PLXNB2: variants seen among roughly 807,000 people sequenced by gnomAD.
The protein encoded by PLXNB2 is plexin-B2.
A neutral mutation model predicts 202.6 loss-of-function variants in PLXNB2; 85 were observed. The ratio of observed to expected loss-of-function variants is 0.42; its 90% CI spans 0.35 to 0.50. PLXNB2 has a LOEUF of 0.50. PLXNB2 is among the 20% of genes least tolerant of loss of function. The probability of loss-of-function intolerance (pLI) is 0.02; values close to 1 mark genes in which losing one functional copy is unlikely to be tolerated. For synonymous variants in PLXNB2, 1,239 were observed against 1,137.6 expected, an observed-to-expected ratio of 1.09 and a Z score of -1.79; for missense variants, 2,063 against 2,586.2, an observed-to-expected ratio of 0.80 and a Z score of 4.39.
chr22:50,279,982 A>G, intron 26 of PLXNB2, 23 bp downstream of exon 26: 2 of 1,582,374 alleles, frequency 1.3e-6, no homozygotes, highest in African/African-American at 2.7e-5. Flanking sequence ...CTCAAGCCCC[A>G]GCCAGGCTGG....
In PLXNB2 at chr22:50,280,953, C is replaced by T; in HGVS notation, c.3784G>A (p.Asp1262Asn). Reference protein sequence around the residue: ...EFTDLMIEMEDQTNDVHEAGI... With the variant: ...EFTDLMIEMENQTNDVHEAGI... ...GCCTCGTGCACGTCGTTGGTCTGGT[C>T]CTCCATCTCGATCATCAGGTCTGGG... The change falls in exon 24 of 37, where the codon GAC becomes AAC. Residue 1262 changes from aspartate (D) to asparagine (N), a missense_variant. Asp to Asn is a conservative substitution (Grantham distance 23). Coordinates refer to ENST00000359337, the MANE Select transcript of PLXNB2 (RefSeq NM_012401.4). 1 of 1,613,304 alleles carries T rather than the reference C, an allele frequency of 6.2e-7. No homozygotes were observed. Among genetic ancestry groups the T allele is most frequent in the Non-Finnish European group, 8.5e-7 (1 of 1,179,924 alleles).
intron 2 of PLXNB2, among the ~76,000 whole-genome samples, chr22:50,293,506 C>G (rs960973725): frequency 6.6e-6 from 1 of 152,220 alleles, no homozygotes; most frequent in African/African-American, 2.4e-5. Flanking sequence ...CCCTCCCAGC[C>G]CCGCTCACCC....
Position 50,278,174 on chromosome 22 carries a change from C to G in PLXNB2, c.4830G>C (p.Glu1610Asp). Residue 1610 changes from glutamate to aspartate, a missense_variant, in exon 31 of 37, where the codon GAG becomes GAC. Around this residue, in one of 2 missense-constraint regions of PLXNB2, gnomAD observed 760 missense variants for 1,109.4 expected, o/e 0.69. Coordinates refer to ENST00000359337, the MANE Select transcript of PLXNB2 (RefSeq NM_012401.4). Reference sequence around the variant, plus strand: ...CGGTGATGGCCTTCGTCCGCTCCTTCTCTTTCACGCTGCCTCTCTTGGACT... The same window carrying G: ...CGGTGATGGCCTTCGTCCGCTCCTTGTCTTTCACGCTGCCTCTCTTGGACT... ...EGKSKRGSVKEKERTKAITEI... is the reference protein window; with the variant it reads ...EGKSKRGSVKDKERTKAITEI... 5 of 1,605,796 alleles carry G rather than the reference C, an allele frequency of 3.1e-6. No individual in the cohort carries two copies. The highest frequency in any genetic ancestry group is 4.2e-6 in the Non-Finnish European group (5 of 1,179,840).
intron 1 of PLXNB2, among the ~76,000 whole-genome samples, chr22:50,302,665 G>T (rs1257700748): frequency 6.6e-6 from 1 of 152,188 alleles, no homozygotes; most frequent in African/African-American, 2.4e-5. Flanking sequence ...TAGGAGTGGG[G>T]AGGCCAAGCC....
intron 25 of PLXNB2, 42 bp downstream of exon 25, chr22:50,280,447 C>T (rs376409739): frequency 3.8e-5 from 59 of 1,549,360 alleles, no homozygotes; most frequent in African/African-American, 3.3e-4. Flanking sequence ...CCCCTGCGGC[C>T]GCCCCGCCCG....
At chr22:50,302,424 C>T (rs1193185252) in intron 1 of PLXNB2, among the ~76,000 whole-genome samples, 1 of 152,156 alleles carries the variant, frequency 6.6e-6, no homozygotes, top group Non-Finnish European at 1.5e-5. Context: ...GCCCCTTGCT[C>T]CACGCGGAGG....
At chr22:50,306,136 T>TG (rs906065511) in intron 1 of PLXNB2, among the ~76,000 whole-genome samples, 1 of 152,048 alleles carries the variant, frequency 6.6e-6, no homozygotes, top group African/African-American at 2.4e-5. Context: ...AGGCAGCCGG[T>TG]GGGGGAGGGG....
intron 1 of PLXNB2, among the ~76,000 whole-genome samples, chr22:50,305,118 C>T (rs929892181): frequency 6.6e-6 from 1 of 152,272 alleles, no homozygotes; most frequent in Admixed American, 6.5e-5. Flanking sequence ...CACAGCCTCT[C>T]CCAGCCAGTG....
Position 50,287,121 on chromosome 22 carries a change from C to A in PLXNB2, c.1752G>T (p.Pro584=). Reference sequence around the variant, plus strand: ...GGGAAGGGGCCTCACCCTGGCCTGGCGGTGTGACGGGGATGCTGCTTGGGG... The same window carrying A: ...GGGAAGGGGCCTCACCCTGGCCTGGAGGTGTGACGGGGATGCTGCTTGGGG... ...CNSPSSIPVT[P]PGQDHVAVTI... Residue 584 remains proline, a synonymous_variant, in exon 8 of 37, where the codon CCG becomes CCT. Transcript: ENST00000359337. The A allele has an allele frequency of 6.6e-7, 1 of 1,522,024 alleles. No individual in the cohort carries two copies. The highest frequency in any genetic ancestry group is 8.8e-7 in the Non-Finnish European group (1 of 1,130,910). 94.3% of individuals were successfully genotyped at this position (1,522,024 alleles called of 1,614,324 possible).
At chr22:50,278,723 G>T (rs1180692482) in intron 28 of PLXNB2, 27 bp from the exon 29 acceptor site, 1 of 1,597,050 alleles carries the variant, frequency 6.3e-7, no homozygotes, top group Admixed American at 1.7e-5. Flanking sequence ...CCCAGCTTGG[G>T]CCCCAGCCAC....
At chr22:50,282,655 C>T (rs2066089520) in intron 18 of PLXNB2, 56 bp downstream of exon 18, 10 of 1,305,264 alleles carry the variant, frequency 7.7e-6, no homozygotes, top group Non-Finnish European at 1.1e-5. Flanking sequence ...GCCAAGGGCA[C>T]TGAGGAGGCA....
At position 50,281,834 on chromosome 22, in the gene PLXNB2, C is replaced by T. The variant is rs961709459; in HGVS notation, c.3345+20G>A. On this transcript the variant is annotated intron_variant, in intron 20 of 36. Transcript: ENST00000359337. ...CAGACCCGAGCAGGACCCAGACACC[C>T]GGGGCTGCACCGTCCTCACCCGGGC... The T allele has an allele frequency of 5.6e-6, 9 of 1,602,462 alleles. No homozygotes were observed. The highest frequency in any genetic ancestry group is 4.5e-5 in the East Asian group (2 of 44,726).
rs760006802 is a variant in PLXNB2, at chr22:50,282,328, G to A, written c.2988-15C>T. The A allele has an allele frequency of 1.9e-6, 3 of 1,580,258 alleles. No individual in the cohort carries two copies. The highest frequency in any genetic ancestry group is 1.4e-5 in the African/African-American group (1 of 73,876). ...TGCGGCCACCACTGCGGAGGGCAGTGCCTTCGTGGGCTCGGCTGGCAGGGG... is the reference window on the plus strand; with the variant it reads ...TGCGGCCACCACTGCGGAGGGCAGTACCTTCGTGGGCTCGGCTGGCAGGGG... On this transcript the variant is annotated splice_polypyrimidine_tract_variant and intron_variant, in intron 18 of 36. Transcript: ENST00000359337.
intron 2 of PLXNB2, among the ~76,000 whole-genome samples, chr22:50,292,349 A>G (rs903506830): frequency 3.3e-5 from 5 of 152,000 alleles, no homozygotes; most frequent in African/African-American, 1.2e-4. Flanking sequence ...AAAAAAAAAA[A>G]AAAAAAAAAA....
chr22:50,283,214 G>C (rs758953884), intron 16 of PLXNB2, 28 bp from the exon 17 acceptor site: 3 of 1,600,554 alleles, frequency 1.9e-6, no homozygotes, highest in Non-Finnish European at 2.6e-6. Flanking sequence ...GCACTCGGGT[G>C]AGGACGGGGC....
At chr22:50,296,774 G>A (rs111637607) in intron 1 of PLXNB2, among the ~76,000 whole-genome samples, 3 of 152,228 alleles carry the variant, frequency 2.0e-5, no homozygotes, top group African/African-American at 7.2e-5. Context: ...TGCCAGCAAA[G>A]CACCTCCTCC....
At position 50,275,516 on chromosome 22, in the gene PLXNB2, C is replaced by G; in HGVS notation, c.*188G>C. On this transcript the variant is annotated 3_prime_UTR_variant, in exon 37 of 37. Transcript: ENST00000359337. Reference sequence around the variant, plus strand: ...CTGGGGCTGGTGCTGGTGCGGTGCCCGGCGGTATTGCTCAGAGGAAGATGC... The same window carrying G: ...CTGGGGCTGGTGCTGGTGCGGTGCCGGGCGGTATTGCTCAGAGGAAGATGC... 1 of 669,846 alleles carries G rather than the reference C, an allele frequency of 1.5e-6. No homozygotes were observed. Among genetic ancestry groups the G allele is most frequent in the Non-Finnish European group, 2.7e-6 (1 of 363,980 alleles). The allele number at this position is 669,846 out of a possible 1,614,324, so 41.5% of individuals were successfully genotyped here.
At chr22:50,296,590 C>CAAAA (rs34197202) in intron 1 of PLXNB2, among the ~76,000 whole-genome samples, 7 of 56,432 alleles carry the variant, frequency 1.2e-4, no homozygotes, top group African/African-American at 2.8e-4. Flanking sequence ...GACTCTGTCT[C>CAAAA]AAAAAAAAAA....
chr22:50,296,086 A>T (rs1018699174), intron 1 of PLXNB2, among the ~76,000 whole-genome samples: 3 of 151,836 alleles, frequency 2.0e-5, no homozygotes, highest in Admixed American at 2.0e-4. Flanking sequence ...TGGGCAACAG[A>T]GTGAGACTCC....
Sources: allele counts gnomAD v4.1 joint callset (sites outside exome capture counted in the v4.1 genomes callset), GRCh38; gene constraint gnomAD v4.1.1; regional missense constraint gnomAD v4.1.1; transcripts MANE v1.5; gene names NCBI Gene and HGNC (gene_info 2026-07-23, HGNC 2026-07-21).